The following CCDC38 variants were observed in gnomAD, a reference collection of about 807,000 sequenced individuals.
CCDC38 encodes the protein coiled-coil domain-containing protein 38.
A neutral mutation model predicts 72.8 loss-of-function variants in CCDC38; 69 were observed. The ratio of observed to expected loss-of-function variants is 0.95; its 90% CI spans 0.78 to 1.16. CCDC38 has a LOEUF of 1.16. CCDC38 is among the 50% of genes most tolerant of loss of function. CCDC38 has a pLI of 0.00. For synonymous variants in CCDC38, 201 were observed against 213.2 expected (o/e 0.94, Z 0.50); for missense variants, 626 against 638.9 (o/e 0.98, Z 0.22).
At chr12:95,871,393 A>G (rs143180707) in intron 14 of CCDC38, among the ~76,000 whole-genome samples, 57 of 152,332 alleles carry the variant, frequency 3.7e-4, no homozygotes, top group African/African-American at 1.3e-3. Flanking sequence ...GTTATATGCA[A>G]ATATGCCGTC....
rs1470920939 is a variant in CCDC38, at chr12:95,898,561, A to G, written c.533+7T>C. 3 of 1,614,058 alleles carry G rather than the reference A, an allele frequency of 1.9e-6. No homozygotes were observed. The East Asian group carries it at 6.7e-5, about 36-fold the overall frequency. On this transcript the variant is annotated splice_region_variant and intron_variant, in intron 6 of 15. Transcript: ENST00000344280. ...GGGAAGGATTTGGCCAGAGTGATGA[A>G]ACAAACATTTTCAGAGCGTCTACAG...
chr12:95,892,259 C>T (rs527353570), intron 8 of CCDC38, among the ~76,000 whole-genome samples: 2 of 146,236 alleles, frequency 1.4e-5, no homozygotes, highest in Non-Finnish European at 3.0e-5. Flanking sequence ...TTTGTGACCC[C>T]GCTTTCACTT....
chr12:95,930,178 A>G lies in CCDC38; in HGVS notation c.37+6295T>C, dbSNP rs774843754. Among the ~76,000 whole-genome samples, 28 of 152,192 alleles carry G rather than the reference A, an allele frequency of 1.8e-4. 1 individual carries two copies. The highest frequency in any genetic ancestry group is 9.8e-4 in the Admixed American group (15 of 15,284). ...CCCGCTACACCAAATTTCCTATATT[A>G]TAAACTCACCACATGAACTAGTCCC... On this transcript the variant is annotated intron_variant, in intron 2 of 15. Coordinates refer to ENST00000344280, the MANE Select transcript of CCDC38 (RefSeq NM_182496.3).
At chr12:95,895,294 T>C in intron 7 of CCDC38, 148 bp from the exon 8 acceptor site, 1 of 529,848 alleles carries the variant, frequency 1.9e-6, no homozygotes, top group South Asian at 3.5e-5. Flanking sequence ...AAATATGGGC[T>C]TCAGTGAATA....
At chr12:95,920,571 A>C (rs1048314552) in intron 2 of CCDC38, among the ~76,000 whole-genome samples, 6 of 152,190 alleles carry the variant, frequency 3.9e-5, no homozygotes, top group Non-Finnish European at 5.9e-5. Context: ...TGAACATTGG[A>C]AACATGTTAA....
chr12:95,916,053 A>G (rs1434789245), intron 4 of CCDC38, among the ~76,000 whole-genome samples: 1 of 152,178 alleles, frequency 6.6e-6, no homozygotes, highest in African/African-American at 2.4e-5. Context: ...TATCACATGT[A>G]ATTGTAAATG....
At chr12:95,918,413 C>T (rs944242756) in intron 3 of CCDC38, among the ~76,000 whole-genome samples, 2 of 152,186 alleles carry the variant, frequency 1.3e-5, no homozygotes, top group African/African-American at 4.8e-5. Context: ...ATCTTCTCAT[C>T]AACAAAGATG....
intron 5 of CCDC38, among the ~76,000 whole-genome samples, chr12:95,902,623 T>A (rs1464816684): frequency 6.6e-6 from 1 of 152,208 alleles, no homozygotes; most frequent in Non-Finnish European, 1.5e-5. Flanking sequence ...ATTTACCTGT[T>A]CATGGACATT....
chr12:95,914,694 A>G (rs953682162), intron 4 of CCDC38, among the ~76,000 whole-genome samples: 6 of 152,200 alleles, frequency 3.9e-5, no homozygotes, highest in Admixed American at 3.9e-4. Flanking sequence ...CCTTTTTGGA[A>G]TTTTAAAAAT....
chr12:95,887,655 C>A (rs767931436), intron 10 of CCDC38, among the ~76,000 whole-genome samples: 1 of 152,140 alleles, frequency 6.6e-6, no homozygotes, highest in African/African-American at 2.4e-5. Context: ...AAGAACCCTG[C>A]GCTGACGTTC....
At chr12:95,892,718 C>T (rs928021405) in intron 8 of CCDC38, among the ~76,000 whole-genome samples, 11 of 151,554 alleles carry the variant, frequency 7.3e-5, no homozygotes, top group South Asian at 2.1e-4. Context: ...TACAGGCATG[C>T]GCCACCATGC....
At chr12:95,883,095 T>C (rs12313757) in intron 10 of CCDC38, among the ~76,000 whole-genome samples, 2,550 of 152,334 alleles carry the variant, frequency 0.017, 79 homozygotes, top group African/African-American at 0.059. Context: ...CACTTCCCTA[T>C]GTCTCTCACA....
chr12:95,923,064 A>G (rs2080226450), intron 2 of CCDC38, among the ~76,000 whole-genome samples: 2 of 152,042 alleles, frequency 1.3e-5, no homozygotes, highest in African/African-American at 4.8e-5. Context: ...GGAATTAGGA[A>G]GTAACCCCTT....
intron 1 of CCDC38, among the ~76,000 whole-genome samples, chr12:95,940,576 T>G (rs2080438792): frequency 6.6e-6 from 1 of 152,022 alleles, no homozygotes; most frequent in Non-Finnish European, 1.5e-5. Flanking sequence ...GCCCTTCCAT[T>G]TTTTTTTCCC....
rs1565943296 is a variant in CCDC38, at chr12:95,878,448, G to A, written c.1143-102C>T. On this transcript the variant is annotated intron_variant, in intron 12 of 15. Transcript: ENST00000344280. ...CTCTAGATCATGTGTCAAAATCCAT[G>A]TAGTGAGCCAAATACAAGTCTGTAT... is the stretch of plus-strand genomic sequence containing the variant. 4 of 1,130,226 alleles carry A rather than the reference G, an allele frequency of 3.5e-6. No individual in the cohort carries two copies. In the South Asian group the frequency reaches 4.3e-5, roughly 12 times the overall value. 70.0% of individuals were successfully genotyped at this position (1,130,226 alleles called of 1,614,324 possible).
intron 8 of CCDC38, among the ~76,000 whole-genome samples, chr12:95,893,029 T>G (rs749181165): frequency 6.6e-6 from 1 of 152,246 alleles, no homozygotes; most frequent in South Asian, 2.1e-4. Flanking sequence ...TCAAAAGTAT[T>G]TGTTTATCTT....
intron 2 of CCDC38, among the ~76,000 whole-genome samples, chr12:95,920,905 G>T (rs1251315842): frequency 6.6e-6 from 1 of 152,100 alleles, no homozygotes; most frequent in African/African-American, 2.4e-5. Context: ...GAGGTGGGTG[G>T]ATAACCTGAG....
intron 10 of CCDC38, among the ~76,000 whole-genome samples, chr12:95,882,291 G>C (rs950278053): frequency 3.9e-5 from 6 of 152,072 alleles, no homozygotes; most frequent in African/African-American, 1.2e-4. Context: ...GGAGAATTTA[G>C]AGATATATGG....
At chr12:95,915,662 A>T (rs1003972821) in intron 4 of CCDC38, among the ~76,000 whole-genome samples, 1 of 152,242 alleles carries the variant, frequency 6.6e-6, no homozygotes, top group Admixed American at 6.5e-5. Context: ...TTTTCACTCA[A>T]ATCAGCTCCT....
Sources: gnomAD v4.1 joint callset for allele counts (sites outside exome capture counted in the v4.1 genomes callset) on GRCh38, gnomAD v4.1.1 for gene constraint, MANE v1.5 for transcripts, NCBI Gene and HGNC (gene_info 2026-07-23, HGNC 2026-07-21) for gene names.